MED27: variants seen among roughly 807,000 people sequenced by gnomAD.
MED27 encodes mediator of RNA polymerase II transcription subunit 27.
Under a neutral mutation model 38.2 loss-of-function variants are expected in MED27, and 30 were observed. The observed-to-expected ratio is 0.79, with a 90% CI of 0.59 to 1.07. The LOEUF is 1.07. Ranked by LOEUF, MED27 falls within the 50% of genes least tolerant of loss-of-function variation. The probability of loss-of-function intolerance (pLI) is 0.00; values close to 1 mark genes in which losing one functional copy is unlikely to be tolerated. For synonymous variants in MED27, 122 were observed against 153.5 expected, an observed-to-expected ratio of 0.79 and a Z score of 1.52; for missense variants, 289 against 397.5, an observed-to-expected ratio of 0.73 and a Z score of 2.32.
chr9:131,986,895 T>C (rs1394741212), intron 3 of MED27, among the ~76,000 whole-genome samples: 2 of 152,096 alleles, frequency 1.3e-5, no homozygotes, highest in Non-Finnish European at 2.9e-5. Flanking sequence ...CAATAAATAT[T>C]TGCTGAATGA....
At chr9:131,866,456 C>A (rs1838738632) in intron 6 of MED27, among the ~76,000 whole-genome samples, 1 of 148,052 alleles carries the variant, frequency 6.8e-6, no homozygotes. Flanking sequence ...CCTGTCGCCT[C>A]TCTTCCCCCT....
rs574404388 is a variant in MED27, at chr9:131,871,305, T to G, written c.724-8165A>C. Among the ~76,000 whole-genome samples the G allele has an allele frequency of 3.9e-5, 6 of 152,294 alleles. No individual in the cohort carries two copies. The East Asian group carries it at 1.2e-3, about 29-fold the overall frequency. The stretch of plus-strand genomic sequence containing the variant: ...AGATGATTTCTCACTTAAGCTTAAC[T>G]CCCAGATTCCAGGTTTTATGTTGAC... On this transcript the variant is annotated intron_variant, in intron 6 of 7. Transcript: ENST00000292035.
At chr9:132,009,644 C>A (rs1174911639) in intron 3 of MED27, among the ~76,000 whole-genome samples, 1 of 152,218 alleles carries the variant, frequency 6.6e-6, no homozygotes, top group Non-Finnish European at 1.5e-5. Flanking sequence ...CCCAGCCAAA[C>A]CTCAGGTGAC....
intron 3 of MED27, among the ~76,000 whole-genome samples, chr9:131,947,697 C>T (rs989380847): frequency 1.3e-5 from 2 of 152,006 alleles, no homozygotes; most frequent in East Asian, 3.9e-4. Flanking sequence ...AAAACACACA[C>T]ACACAACAAA....
rs1838987702 is a variant in MED27 at position 131,878,941 on chromosome 9, A to G, written c.723+5117T>C. On this transcript the variant is annotated intron_variant, in intron 6 of 7. Coordinates refer to ENST00000292035, the MANE Select transcript of MED27 (RefSeq NM_004269.4). Reference sequence around the variant, plus strand: ...AGTGCAAGGAGCCTCCAGGGACCACAGTAAATGATGGGAACCTGTTAGCAG... The same window carrying G: ...AGTGCAAGGAGCCTCCAGGGACCACGGTAAATGATGGGAACCTGTTAGCAG... Among the ~76,000 whole-genome samples, 5 of 152,132 alleles carry G rather than the reference A, an allele frequency of 3.3e-5. No homozygotes were observed. The South Asian group carries it at 1.0e-3, about 32-fold the overall frequency.
chr9:131,886,924 C>CA (rs1839150901), intron 5 of MED27, among the ~76,000 whole-genome samples: 2 of 152,130 alleles, frequency 1.3e-5, no homozygotes, highest in Admixed American at 1.3e-4. Context: ...AGAGAGAAGC[C>CA]AAAGATTCCA....
At chr9:131,885,690 T>G (rs553268694) in intron 5 of MED27, among the ~76,000 whole-genome samples, 1 of 152,350 alleles carries the variant, frequency 6.6e-6, no homozygotes, top group East Asian at 1.9e-4. Flanking sequence ...GTTTGCATGA[T>G]ATACCAAATC....
At chr9:131,925,777 C>A (rs965934687) in intron 4 of MED27, among the ~76,000 whole-genome samples, 1 of 152,116 alleles carries the variant, frequency 6.6e-6, no homozygotes. Context: ...GCAGCTCCTG[C>A]GGGGGCGGTG....
At chr9:132,073,562 G>A in intron 2 of MED27, 1 of 1,380,912 alleles carries the variant, frequency 7.2e-7, no homozygotes, top group Non-Finnish European at 9.3e-7. Context: ...TTCCAACCCT[G>A]TTAGTTCCAT....
At chr9:131,919,395 G>A (rs953922160) in intron 4 of MED27, among the ~76,000 whole-genome samples, 13 of 152,076 alleles carry the variant, frequency 8.5e-5, no homozygotes, top group African/African-American at 2.7e-4. Flanking sequence ...GGGCCAAGTG[G>A]GTGGCAAGCA....
chr9:131,919,148 C>CT lies in MED27; in HGVS notation c.573+20232dup, dbSNP rs1422507526. 2.6e-5 allele frequency among the ~76,000 whole-genome samples: 4 copies of CT among 152,256 alleles called. No individual in the cohort carries two copies. The East Asian group carries it at 5.8e-4, about 22-fold the overall frequency. On this transcript the variant is annotated intron_variant, in intron 4 of 7. Transcript: ENST00000292035. ...GGGGAACTCCCACAAAATGACATTA[C>CT]TAGGTTTTAGACAGAATGCCGTATT... is the stretch of plus-strand genomic sequence containing the variant.
intron 3 of MED27, among the ~76,000 whole-genome samples, chr9:131,951,554 T>G (rs1312744282): frequency 6.6e-6 from 1 of 152,248 alleles, no homozygotes; most frequent in Non-Finnish European, 1.5e-5. Flanking sequence ...GTTCTCACAG[T>G]GCCCTCATCT....
chr9:132,016,669 T>TC (rs1832609313), intron 2 of MED27, among the ~76,000 whole-genome samples: 2 of 152,180 alleles, frequency 1.3e-5, no homozygotes, highest in African/African-American at 2.4e-5. Context: ...GGCAGGGGCC[T>TC]CCTCCTGGCT....
At chr9:132,007,562 A>G (rs1220267611) in intron 3 of MED27, among the ~76,000 whole-genome samples, 1 of 152,174 alleles carries the variant, frequency 6.6e-6, no homozygotes, top group Non-Finnish European at 1.5e-5. Context: ...AATTGGAGAC[A>G]AGTATAATCC....
chr9:131,998,540 T>C (rs4422886), intron 3 of MED27, among the ~76,000 whole-genome samples: 6,513 of 152,258 alleles, frequency 0.043, 453 homozygotes, highest in African/African-American at 0.14. Flanking sequence ...ACGCTCTAAA[T>C]ACTACCCAAC....
At chr9:131,903,663 G>A (rs1364540312) in intron 4 of MED27, among the ~76,000 whole-genome samples, 3 of 152,198 alleles carry the variant, frequency 2.0e-5, no homozygotes, top group African/African-American at 7.2e-5. Flanking sequence ...GCGTCCACGA[G>A]AGCTACTATT....
chr9:131,931,806 C>T (rs568758443), intron 4 of MED27, among the ~76,000 whole-genome samples: 1 of 152,024 alleles, frequency 6.6e-6, no homozygotes, highest in Non-Finnish European at 1.5e-5. Flanking sequence ...AAGAGAATAT[C>T]ACAATTGGAA....
chr9:131,864,624 C>T (rs1383911956), intron 6 of MED27, among the ~76,000 whole-genome samples: 1 of 152,274 alleles, frequency 6.6e-6, no homozygotes, highest in Non-Finnish European at 1.5e-5. Context: ...GTGTATGTGG[C>T]TGAACCCATG....
At chr9:132,069,454 C>T (rs886698336) in intron 2 of MED27, among the ~76,000 whole-genome samples, 2 of 152,164 alleles carry the variant, frequency 1.3e-5, no homozygotes, top group African/African-American at 4.8e-5. Flanking sequence ...ATGATAGGGG[C>T]ATGGCTTGAT....
Sources: allele counts gnomAD v4.1 joint callset (sites outside exome capture counted in the v4.1 genomes callset), GRCh38; gene constraint gnomAD v4.1.1; transcripts MANE v1.5; gene names NCBI Gene and HGNC (gene_info 2026-07-23, HGNC 2026-07-21).